The following JADE2 variants were observed in gnomAD, a reference collection of about 807,000 sequenced individuals.
JADE2 encodes the protein E3 ubiquitin-protein ligase Jade-2.
JADE2 carries 13 observed loss-of-function variants against 85.7 expected under a neutral mutation model. That is an observed-to-expected ratio of 0.15 (90% CI 0.10 to 0.24). The LOEUF (loss-of-function observed/expected upper bound fraction) is 0.24, where lower values mean the gene tolerates loss of function less well. JADE2 is among the 10% of genes least tolerant of loss of function. The probability of loss-of-function intolerance (pLI) is 1.00; values close to 1 mark genes in which losing one functional copy is unlikely to be tolerated. For missense variants in JADE2, 846 were observed against 1,115.9 expected, an observed-to-expected ratio of 0.76 and a Z score of 3.45; for synonymous variants, 440 against 456.1, an observed-to-expected ratio of 0.96 and a Z score of 0.45.
At chr5:134,547,019 G>T (rs1191221761) in intron 3 of JADE2, among the ~76,000 whole-genome samples, 1 of 152,208 alleles carries the variant, frequency 6.6e-6, no homozygotes, top group Non-Finnish European at 1.5e-5. Context: ...TACTGGCCAT[G>T]TGGTTAGTGC....
intron 4 of JADE2, 22 bp from the exon 5 acceptor site, chr5:134,559,808 A>T (rs1326556742): frequency 1.3e-6 from 2 of 1,599,962 alleles, no homozygotes; most frequent in South Asian, 2.2e-5. Flanking sequence ...TCCCTTCATG[A>T]CATCCTGTCT....
chr5:134,532,464 C>G (rs1761306576), intron 1 of JADE2, among the ~76,000 whole-genome samples: 1 of 152,144 alleles, frequency 6.6e-6, no homozygotes, highest in African/African-American at 2.4e-5. Context: ...TGTCTCCATG[C>G]TGGGGGTTGC....
intron 9 of JADE2, among the ~76,000 whole-genome samples, chr5:134,570,921 C>T (rs900124416): frequency 3.9e-5 from 6 of 152,216 alleles, no homozygotes; most frequent in Non-Finnish European, 7.3e-5. Context: ...TAAAGGCCAC[C>T]GGCATCTCAT....
chr5:134,539,395 C>T (rs1355864007), intron 3 of JADE2, among the ~76,000 whole-genome samples: 1 of 151,198 alleles, frequency 6.6e-6, no homozygotes, highest in African/African-American at 2.4e-5. Context: ...GATGGGGTTT[C>T]ACCATGTTGG....
intron 1 of JADE2, chr5:134,526,683 A>G: frequency 1.0e-6 from 1 of 985,348 alleles, no homozygotes; most frequent in Non-Finnish European, 1.2e-6. Flanking sequence ...CGGGGGCAGC[A>G]TGCTCGGCTC....
intron 3 of JADE2, among the ~76,000 whole-genome samples, chr5:134,542,806 C>T (rs1392796688): frequency 4.6e-5 from 7 of 151,824 alleles, no homozygotes; most frequent in Non-Finnish European, 1.0e-4. Context: ...GATCTCAGCT[C>T]ATTGCAACCT....
At chr5:134,535,715 AGAG>A in intron 1 of JADE2, 140 bp from the exon 2 acceptor site, 1 of 676,274 alleles carries the variant, frequency 1.5e-6, no homozygotes, top group Admixed American at 2.4e-5. Flanking sequence ...TGGTGCTGGC[AGAG>A]AAGAAGGCTA....
rs1369730577 is a variant in JADE2, at chr5:134,582,394, T to C, written c.*3077T>C. On this transcript the variant is annotated 3_prime_UTR_variant, in exon 12 of 12. Transcript: ENST00000681547. ...GGTGTGCCAGGCCACGTCTCGTGTG[T>C]CCGTATGCAGGCATGCCTGTGTATA... The C allele has an allele frequency of 1.3e-5, 2 of 148,324 alleles. No individual in the cohort carries two copies. The highest frequency in any genetic ancestry group is 3.0e-5 in the Non-Finnish European group (2 of 67,430). 9.2% of individuals were successfully genotyped at this position (148,324 alleles called of 1,614,324 possible).
intron 4 of JADE2, among the ~76,000 whole-genome samples, chr5:134,553,378 G>T (rs1298330225): frequency 1.4e-5 from 2 of 138,544 alleles, no homozygotes; most frequent in African/African-American, 5.5e-5. Flanking sequence ...TTTTTGAGAC[G>T]GAGTCTCGCT....
At chr5:134,539,266 T>C (rs1354763686) in intron 3 of JADE2, among the ~76,000 whole-genome samples, 2 of 152,128 alleles carry the variant, frequency 1.3e-5, no homozygotes, top group South Asian at 2.1e-4. Flanking sequence ...GGTTTCACCG[T>C]GTTAGCCAGG....
upstream of JADE2, among the ~76,000 whole-genome samples, chr5:134,524,908 C>CTGG (rs1760710944): frequency 6.6e-6 from 1 of 152,328 alleles, no homozygotes; most frequent in East Asian, 1.9e-4. Context: ...CTGCTCACTT[C>CTGG]TGGTGCTGCA....
At chr5:134,565,449 G>A (rs568317084) in intron 8 of JADE2, among the ~76,000 whole-genome samples, 2 of 152,108 alleles carry the variant, frequency 1.3e-5, no homozygotes, top group African/African-American at 4.8e-5. Flanking sequence ...CTTCCCAGAG[G>A]ACAAAAAGGG....
At chr5:134,563,189 A>T (rs1303274634) in intron 7 of JADE2, among the ~76,000 whole-genome samples, 2 of 152,076 alleles carry the variant, frequency 1.3e-5, no homozygotes, top group Non-Finnish European at 2.9e-5. Flanking sequence ...GGCTTAGCAC[A>T]TGCCTGTAAT....
At chr5:134,564,643 AGCT>A (rs1366298343) in intron 8 of JADE2, 33 bp downstream of exon 8, 2 of 1,420,786 alleles carry the variant, frequency 1.4e-6, no homozygotes, top group Admixed American at 4.4e-5. Flanking sequence ...TGCTGCCAGG[AGCT>A]GGCTGAGAGG....
rs1200571794 is a variant in JADE2 at position 134,537,995 on chromosome 5, C to T, written c.65C>T (p.Ala22Val). 6.8e-6 allele frequency: 11 copies of T among 1,613,698 alleles called. No individual in the cohort carries two copies. The highest frequency in any genetic ancestry group is 2.2e-5 in the East Asian group (1 of 44,874). The change falls in exon 3 of 12, where the codon GCG becomes GTG. Residue 22 changes from alanine to valine, a missense_variant. By Grantham distance (64) the Ala-to-Val change is moderately conservative. Around this residue, in one of 9 missense-constraint regions of JADE2, gnomAD observed 47 missense variants for 42.2 expected, o/e 1.11. Coordinates refer to ENST00000681547, the MANE Select transcript of JADE2 (RefSeq NM_001388185.1). Reference protein sequence around the residue: ...SDNSDTTDSHATSTSASRCSK... With the variant: ...SDNSDTTDSHVTSTSASRCSK... ...GACTGTTCTCTCTCTGCAGGTCATG[C>T]GACATCTACATCCGCATCAAGATGC... is the stretch of plus-strand genomic sequence containing the variant.
intron 4 of JADE2, 49 bp downstream of exon 4, chr5:134,552,258 G>A: frequency 1.3e-6 from 2 of 1,561,848 alleles, no homozygotes; most frequent in Non-Finnish European, 1.7e-6. Context: ...GGGGAGGAAG[G>A]GGAGGCTGCT....
At chr5:134,561,631 G>T (rs1199466179) in intron 6 of JADE2, among the ~76,000 whole-genome samples, 1 of 152,154 alleles carries the variant, frequency 6.6e-6, no homozygotes, top group Non-Finnish European at 1.5e-5. Context: ...CTGCCCTTAT[G>T]CACCATCGCT....
chr5:134,548,462 C>T (rs892798916), intron 3 of JADE2, among the ~76,000 whole-genome samples: 2 of 152,160 alleles, frequency 1.3e-5, no homozygotes, highest in South Asian at 2.1e-4. Flanking sequence ...TCAGGAACAG[C>T]GTTTACACTG....
chr5:134,572,646 C>G (rs1011711394), intron 9 of JADE2, among the ~76,000 whole-genome samples: 1 of 152,204 alleles, frequency 6.6e-6, no homozygotes, highest in Non-Finnish European at 1.5e-5. Context: ...AATGGAGTCT[C>G]CATCCTGTGC....
Sources: gnomAD v4.1 joint callset for allele counts (sites outside exome capture counted in the v4.1 genomes callset) on GRCh38, gnomAD v4.1.1 for gene constraint, gnomAD v4.1.1 regional missense constraint, MANE v1.5 for transcripts, NCBI Gene and HGNC (gene_info 2026-07-23, HGNC 2026-07-21) for gene names.